Variants in PDXDC1 observed in about 807,000 individuals in gnomAD.
PDXDC1 encodes the protein pyridoxal dependent decarboxylase domain containing 1, also known as pyridoxal-dependent decarboxylase domain-containing protein 1.
Under a neutral mutation model 100.1 loss-of-function variants are expected in PDXDC1, and 42 were observed. The ratio of observed to expected loss-of-function variants is 0.42; its 90% CI spans 0.33 to 0.54. The LOEUF (loss-of-function observed/expected upper bound fraction) is 0.54, where lower values mean the gene tolerates loss of function less well. Ranked by LOEUF, PDXDC1 falls within the 20% of genes least tolerant of loss-of-function variation. The pLI, the probability that PDXDC1 is intolerant of heterozygous loss-of-function variation, is 0.10. For synonymous variants in PDXDC1, 260 were observed against 371.7 expected (o/e 0.70, Z 3.46); for missense variants, 636 against 979.2 (o/e 0.65, Z 4.68).
chr16:15,047,589 A>C, intron 16 of PDXDC1: 1 of 1,424,400 alleles, frequency 7.0e-7, no homozygotes, highest in Non-Finnish European at 9.9e-7. Flanking sequence ...TTATTCCCTG[A>C]TGCGAGTGCA....
chr16:15,086,382 G>A (rs753773707), intron 16 of PDXDC1: 1 of 1,613,728 alleles, frequency 6.2e-7, no homozygotes, highest in African/African-American at 1.3e-5. Context: ...ATACTGATAA[G>A]TTGCTCAAAG....
intron 5 of PDXDC1, among the ~76,000 whole-genome samples, chr16:15,005,101 G>A (rs1973969934): frequency 6.6e-6 from 1 of 152,276 alleles, no homozygotes; most frequent in Non-Finnish European, 1.5e-5. Context: ...GCTCACGCCT[G>A]TAATCCCAGC....
At chr16:14,992,807 C>G (rs1364693791) in intron 1 of PDXDC1, among the ~76,000 whole-genome samples, 3 of 152,374 alleles carry the variant, frequency 2.0e-5, no homozygotes, top group Non-Finnish European at 1.5e-5. Flanking sequence ...AGTTTCCTCA[C>G]CTCCAAAATG....
At chr16:15,087,002 G>A (rs949765192) in intron 16 of PDXDC1, among the ~76,000 whole-genome samples, 22 of 152,022 alleles carry the variant, frequency 1.4e-4, no homozygotes, top group Admixed American at 8.5e-4. Context: ...AATATTTTTC[G>A]GGCAATCAAA....
intron 16 of PDXDC1, chr16:15,045,741 C>G (rs1249116236): frequency 6.6e-6 from 1 of 152,302 alleles, no homozygotes; most frequent in Non-Finnish European, 1.5e-5. Flanking sequence ...CTTTCTTGAA[C>G]CCAGTGTTTC....
chr16:15,081,957 A>G (rs2045724274), intron 16 of PDXDC1, among the ~76,000 whole-genome samples: 2 of 152,194 alleles, frequency 1.3e-5, no homozygotes, highest in African/African-American at 2.4e-5. Context: ...AGTGTATGTT[A>G]GTCTTCTGTC....
intron 8 of PDXDC1, among the ~76,000 whole-genome samples, chr16:15,011,633 T>TC (rs1159286202): frequency 1.1e-5 from 1 of 87,334 alleles, no homozygotes; most frequent in Non-Finnish European, 2.3e-5. Flanking sequence ...ATTTTTTTCT[T>TC]TTTTTTTTTT....
chr16:15,032,024 C>T (rs866400135), intron 17 of PDXDC1, 118 bp downstream of exon 17: 29 of 894,638 alleles, frequency 3.2e-5, no homozygotes, highest in Middle Eastern at 2.5e-4. Flanking sequence ...ATATGCTTAA[C>T]GAAAATGCAA....
chr16:15,152,168 C>T, the PDXDC1 span, among the ~76,000 whole-genome samples: 1 of 131,988 alleles, frequency 7.6e-6, no homozygotes, highest in East Asian at 2.2e-4. Flanking sequence ...GAAGCCCCGG[C>T]TGTCCTCCAC....
At chr16:15,038,718 C>T (rs749835453), downstream of PDXDC1, 2 of 1,248,950 alleles carry the variant, frequency 1.6e-6, no homozygotes, top group Non-Finnish European at 2.3e-6. Context: ...GATAGAATTT[C>T]AGGAATGTCA....
Position 14,978,227 on chromosome 16 carries a change from C to T in PDXDC1, c.21+3007C>T, listed in dbSNP as rs542336096. On this transcript the variant is annotated intron_variant, in intron 1 of 22. Coordinates refer to ENST00000396410, the MANE Select transcript of PDXDC1 (RefSeq NM_015027.4). ...GGAGAGTAGGAGTAGGGGCTTTGCC[C>T]CTGCCCCCCACTGTATGTCCAAGGC... Among the ~76,000 whole-genome samples the T allele has an allele frequency of 1.6e-4, 25 of 152,388 alleles. No individual in the cohort carries two copies. In the East Asian group the frequency reaches 4.3e-3, roughly 26 times the overall value.
intron 1 of PDXDC1, among the ~76,000 whole-genome samples, chr16:14,981,205 A>G (rs1967897305): frequency 6.6e-6 from 1 of 152,290 alleles, no homozygotes; most frequent in Non-Finnish European, 1.5e-5. Context: ...GCAAACCTTT[A>G]CTTTACGAGT....
chr16:15,125,885 A>C (rs1213707254), intron 16 of PDXDC1: 1 of 723,734 alleles, frequency 1.4e-6, no homozygotes, highest in African/African-American at 1.7e-5. Flanking sequence ...CCTCCTCAGC[A>C]GACAGGACAG....
chr16:15,087,861 TCC>T (rs975580111), intron 16 of PDXDC1, among the ~76,000 whole-genome samples: 1 of 152,172 alleles, frequency 6.6e-6, no homozygotes, highest in Non-Finnish European at 1.5e-5. Flanking sequence ...ATGTCTGTAA[TCC>T]CAACACTTTG....
chr16:15,099,248 C>G (rs946443095), intron 16 of PDXDC1, among the ~76,000 whole-genome samples: 1 of 151,648 alleles, frequency 6.6e-6, no homozygotes, highest in Non-Finnish European at 1.5e-5. Flanking sequence ...CATGGTGAAA[C>G]CCCATCTCTA....
intron 16 of PDXDC1, among the ~76,000 whole-genome samples, chr16:15,117,689 C>T (rs1165283578): frequency 2.1e-4 from 19 of 91,496 alleles, no homozygotes; most frequent in African/African-American, 8.3e-4. Flanking sequence ...GGAGACTCGT[C>T]TTGGGGGTGA....
At chr16:15,032,650 C>CT (rs1380976693) in intron 17 of PDXDC1, 6 of 297,334 alleles carry the variant, frequency 2.0e-5, no homozygotes, top group African/African-American at 3.1e-5. Context: ...TGAGACCCTG[C>CT]TTTAAAAAAA....
At chr16:14,975,006 A>G (rs759679050), upstream of PDXDC1, 3 of 1,535,058 alleles carry the variant, frequency 2.0e-6, no homozygotes, top group South Asian at 3.6e-5. Context: ...GCCCAGCGCT[A>G]CGGGGCCCCG....
chr16:15,041,705 C>A, downstream of PDXDC1: 2 of 1,551,904 alleles, frequency 1.3e-6, no homozygotes, highest in South Asian at 2.2e-5. Context: ...GACCAGAAGT[C>A]AGAAAAGTTC....
Sources: allele counts gnomAD v4.1 joint callset (sites outside exome capture counted in the v4.1 genomes callset), GRCh38; gene constraint gnomAD v4.1.1; transcripts MANE v1.5; gene names NCBI Gene and HGNC (gene_info 2026-07-23, HGNC 2026-07-21).